SRGAP1: variants seen among roughly 807,000 people sequenced by gnomAD.
SRGAP1 encodes SLIT-ROBO Rho GTPase activating protein 1.
In SRGAP1, 43 loss-of-function variants were observed where a neutral mutation model predicts 121.9. The ratio of observed to expected loss-of-function variants is 0.35; its 90% CI spans 0.28 to 0.46. The LOEUF (loss-of-function observed/expected upper bound fraction) is 0.46. Among genes scored for constraint, SRGAP1 ranks in the 20% least tolerant of loss-of-function variants. SRGAP1 has a pLI of 1.00. For missense variants in SRGAP1, 1,102 were observed against 1,350.9 expected (o/e 0.82, Z 2.89); for synonymous variants, 447 against 485.4 (o/e 0.92, Z 1.04).
intron 8 of SRGAP1, 88 bp downstream of exon 8, chr12:64,065,307 T>C (rs2035518917): frequency 6.1e-6 from 7 of 1,146,884 alleles, no homozygotes; most frequent in Non-Finnish European, 7.6e-6. Flanking sequence ...ATATTTAATA[T>C]TCAAGATTCA....
chr12:63,980,108 G>T (rs2033207636), intron 1 of SRGAP1, among the ~76,000 whole-genome samples: 1 of 152,194 alleles, frequency 6.6e-6, no homozygotes, highest in African/African-American at 2.4e-5. Flanking sequence ...TGGAGTGCCA[G>T]TGGCGTGATC....
chr12:64,095,072 G>A (rs1593122057), intron 13 of SRGAP1, 55 bp from the exon 14 acceptor site: 1 of 1,608,968 alleles, frequency 6.2e-7, no homozygotes, highest in East Asian at 2.2e-5. Context: ...TGGGAAAAGA[G>A]GGACCTAGAC....
intron 15 of SRGAP1, 98 bp from the exon 16 acceptor site, chr12:64,108,834 C>A: frequency 1.4e-6 from 1 of 732,748 alleles, no homozygotes; most frequent in Non-Finnish European, 2.1e-6. Flanking sequence ...CAGGGTGTTG[C>A]TTATATTCAG....
Position 64,098,455 on chromosome 12 carries a change from G to A in SRGAP1, c.1813+1080G>A, listed in dbSNP as rs374829739. ...CTCCCCAAGGTGGGCTTATTGCTTG[G>A]TCTCCATTAGTTTGAGACCAGCCTG... On this transcript the variant is annotated intron_variant, in intron 15 of 21. Transcript: ENST00000355086. 1.1e-4 allele frequency among the ~76,000 whole-genome samples: 17 copies of A among 151,646 alleles called. No individual in the cohort carries two copies. The East Asian group carries it at 2.3e-3, about 21-fold the overall frequency.
intron 1 of SRGAP1, among the ~76,000 whole-genome samples, chr12:63,863,008 T>G (rs1042544234): frequency 5.9e-5 from 9 of 152,168 alleles, no homozygotes; most frequent in Non-Finnish European, 1.2e-4. Flanking sequence ...GAGGAATGTT[T>G]TCTTTGGCTG....
intron 6 of SRGAP1, among the ~76,000 whole-genome samples, chr12:64,060,248 C>T (rs971103241): frequency 6.8e-6 from 1 of 147,206 alleles, no homozygotes; most frequent in African/African-American, 2.6e-5. Flanking sequence ...CACTCTGCTG[C>T]CCAGGCTAGA....
In SRGAP1 at chr12:64,070,928, G is replaced by A. The variant is rs1366953567; in HGVS notation, c.1125+5709G>A. On this transcript the variant is annotated intron_variant, in intron 8 of 21. Transcript: ENST00000355086. ...ATGGGGGATTCTCAAGTTCTTTTGA[G>A]ACTTGATATAAGATGTGAAGCCTGA... Among the ~76,000 whole-genome samples the A allele has an allele frequency of 1.9e-4, 29 of 152,102 alleles. 1 individual carries two copies. Among genetic ancestry groups the A allele is most frequent in the African/African-American group, 4.8e-5 (2 of 41,406 alleles).
chr12:64,130,114 G>A (rs1592349360), intron 21 of SRGAP1, among the ~76,000 whole-genome samples: 1 of 152,178 alleles, frequency 6.6e-6, no homozygotes, highest in African/African-American at 2.4e-5. Context: ...ATCACAGAGC[G>A]TGGTAATACT....
At chr12:63,851,403 G>T (rs1158481548) in intron 1 of SRGAP1, among the ~76,000 whole-genome samples, 1 of 151,996 alleles carries the variant, frequency 6.6e-6, no homozygotes, top group East Asian at 1.9e-4. Flanking sequence ...GACCAGCCTG[G>T]TCAACATGGC....
chr12:63,874,340 A>G (rs1364003302), intron 1 of SRGAP1, among the ~76,000 whole-genome samples: 1 of 151,832 alleles, frequency 6.6e-6, no homozygotes, highest in Non-Finnish European at 1.5e-5. Context: ...AGTAGCTGGG[A>G]CTACAGGTGC....
intron 1 of SRGAP1, among the ~76,000 whole-genome samples, chr12:63,979,476 G>T (rs1303905856): frequency 6.6e-6 from 1 of 151,836 alleles, no homozygotes; most frequent in Non-Finnish European, 1.5e-5. Context: ...TCACTTTCTT[G>T]GTGGTTACTG....
At chr12:64,084,920 T>C (rs1199665246) in intron 10 of SRGAP1, among the ~76,000 whole-genome samples, 1 of 152,102 alleles carries the variant, frequency 6.6e-6, no homozygotes, top group Non-Finnish European at 1.5e-5. Flanking sequence ...TTATTAAATT[T>C]ATTTAAATAT....
intron 1 of SRGAP1, among the ~76,000 whole-genome samples, chr12:63,868,057 T>TATATA (rs56697634): frequency 3.6e-3 from 200 of 55,730 alleles, no homozygotes; most frequent in East Asian, 7.1e-3. Flanking sequence ...TATATATATA[T>TATATA]TTTTTTTTTT....
Position 64,129,666 on chromosome 12 carries a change from C to T in SRGAP1, c.2880+1466C>T, listed in dbSNP as rs1218961764. ...CATAATTACGCCTAACATGATACAA[C>T]TGTCCTTTCCTATAACCGGAAACAC... On this transcript the variant is annotated intron_variant, in intron 21 of 21. Coordinates refer to ENST00000355086, the MANE Select transcript of SRGAP1 (RefSeq NM_020762.4). Among the ~76,000 whole-genome samples, 3 of 152,330 alleles carry T rather than the reference C, an allele frequency of 2.0e-5. No homozygotes were observed. The East Asian group carries it at 5.8e-4, about 29-fold the overall frequency.
At chr12:64,083,183 T>A (rs1237901341) in intron 10 of SRGAP1, among the ~76,000 whole-genome samples, 2 of 152,196 alleles carry the variant, frequency 1.3e-5, no homozygotes, top group Non-Finnish European at 2.9e-5. Flanking sequence ...TATGGAGGAA[T>A]CTGAGTCCAG....
In SRGAP1 at chr12:64,150,955, A is replaced by AAAAAAAAAAAAAAAAAAAAAAG; in HGVS notation, c.*8288_*8289insAAAAAAAAAAAAAAAAGAAAAA. On this transcript the variant is annotated 3_prime_UTR_variant, in exon 22 of 22. Coordinates refer to ENST00000355086, the MANE Select transcript of SRGAP1 (RefSeq NM_020762.4). ...ATCTCAAAAAAAAAAAAAAAAAAAA[A>AAAAAAAAAAAAAAAAAAAAAAG]AAAAACATGGTCAAGATTTGTAATA... 1 of 148,712 alleles carries AAAAAAAAAAAAAAAAAAAAAAG rather than the reference A, an allele frequency of 6.7e-6. No individual in the cohort carries two copies. The highest frequency in any genetic ancestry group is 6.7e-5 in the Admixed American group (1 of 14,836). The allele number at this position is 148,712 out of a possible 1,614,324, so 9.2% of individuals were successfully genotyped here.
At chr12:64,063,375 T>C (rs1005078673) in intron 7 of SRGAP1, among the ~76,000 whole-genome samples, 24 of 152,252 alleles carry the variant, frequency 1.6e-4, no homozygotes, top group African/African-American at 5.5e-4. Flanking sequence ...CACTAAGCTG[T>C]CCCAGAATAG....
intron 1 of SRGAP1, among the ~76,000 whole-genome samples, chr12:63,870,607 A>C (rs1275362324): frequency 1.4e-5 from 2 of 140,728 alleles, no homozygotes; most frequent in Non-Finnish European, 3.0e-5. Flanking sequence ...GTGCGATCTC[A>C]GCTGTCAGTG....
At chr12:64,086,347 TA>T (rs1440691373) in intron 10 of SRGAP1, among the ~76,000 whole-genome samples, 2 of 152,232 alleles carry the variant, frequency 1.3e-5, no homozygotes, top group African/African-American at 4.8e-5. Context: ...CCCTGTTACT[TA>T]AAACAAGTCA....
Sources: allele counts gnomAD v4.1 joint callset (sites outside exome capture counted in the v4.1 genomes callset), GRCh38; gene constraint gnomAD v4.1.1; transcripts MANE v1.5; gene names NCBI Gene and HGNC (gene_info 2026-07-23, HGNC 2026-07-21).